Variants in MAN2A1 observed in about 807,000 individuals in gnomAD.
The protein encoded by MAN2A1 is mannosidase alpha class 2A member 1.
In MAN2A1, 76 loss-of-function variants were observed where a neutral mutation model predicts 142.6. That is an observed-to-expected ratio of 0.53 (90% CI 0.44 to 0.65). The LOEUF (loss-of-function observed/expected upper bound fraction) is 0.65, where lower values mean the gene tolerates loss of function less well. MAN2A1 is among the 30% of genes least tolerant of loss of function. MAN2A1 has a pLI of 0.00. For missense variants in MAN2A1, 1,311 were observed against 1,365.1 expected, an observed-to-expected ratio of 0.96 and a Z score of 0.62; for synonymous variants, 559 against 473.2, an observed-to-expected ratio of 1.18 and a Z score of -2.35.
chr5:109,788,292 G>C (rs1447104484), intron 10 of MAN2A1, among the ~76,000 whole-genome samples: 1 of 150,874 alleles, frequency 6.6e-6, no homozygotes, highest in Admixed American at 6.6e-5. Flanking sequence ...ATGTATTTCA[G>C]AATTGGTCTG....
intron 16 of MAN2A1, among the ~76,000 whole-genome samples, chr5:109,824,929 T>C (rs930923435): frequency 6.6e-6 from 1 of 152,202 alleles, no homozygotes; most frequent in African/African-American, 2.4e-5. Flanking sequence ...CTTCTTTAGG[T>C]AATAATATGA....
At chr5:109,857,021 A>G (rs1443334446) in intron 20 of MAN2A1, among the ~76,000 whole-genome samples, 1 of 152,198 alleles carries the variant, frequency 6.6e-6, no homozygotes, top group Non-Finnish European at 1.5e-5. Flanking sequence ...AGGTAACACA[A>G]TTTTGATTAA....
intron 4 of MAN2A1, among the ~76,000 whole-genome samples, chr5:109,753,673 C>T (rs1276442206): frequency 6.6e-6 from 1 of 152,116 alleles, no homozygotes; most frequent in African/African-American, 2.4e-5. Context: ...AATGTTGTGG[C>T]TTCTATCATA....
chr5:109,727,600 A>G (rs549831619), intron 3 of MAN2A1, among the ~76,000 whole-genome samples: 5 of 152,232 alleles, frequency 3.3e-5, no homozygotes, highest in African/African-American at 4.8e-5. Context: ...AGCAGTTTAT[A>G]TAAGTGTTTT....
intron 12 of MAN2A1, among the ~76,000 whole-genome samples, chr5:109,812,674 T>G (rs538764111): frequency 6.6e-6 from 1 of 152,328 alleles, no homozygotes; most frequent in Non-Finnish European, 1.5e-5. Context: ...ACTTTCTTTG[T>G]AATATTGAAT....
chr5:109,804,558 C>T (rs976287311), intron 12 of MAN2A1, among the ~76,000 whole-genome samples: 2 of 151,982 alleles, frequency 1.3e-5, no homozygotes, highest in African/African-American at 2.4e-5. Context: ...GATGTTTTCT[C>T]TAGTGTTTTG....
intron 12 of MAN2A1, among the ~76,000 whole-genome samples, chr5:109,790,199 T>C (rs1753700803): frequency 1.3e-5 from 2 of 151,926 alleles, no homozygotes; most frequent in Admixed American, 1.3e-4. Context: ...TTTTTTGTAA[T>C]ATAACCTTTA....
intron 15 of MAN2A1, among the ~76,000 whole-genome samples, chr5:109,822,143 G>GTT (rs930264225): frequency 3.7e-5 from 5 of 135,294 alleles, no homozygotes; most frequent in African/African-American, 1.3e-4. Context: ...TTTGTTTTTG[G>GTT]TTTTTTTTTT....
At chr5:109,712,972 A>G (rs1751344952) in intron 1 of MAN2A1, among the ~76,000 whole-genome samples, 1 of 152,236 alleles carries the variant, frequency 6.6e-6, no homozygotes, top group Admixed American at 6.5e-5. Context: ...AGCAGACTGA[A>G]TGACTTCGGG....
At chr5:109,827,782 G>C (rs541479517) in intron 16 of MAN2A1, among the ~76,000 whole-genome samples, 51 of 152,282 alleles carry the variant, frequency 3.3e-4, no homozygotes, top group Admixed American at 9.2e-4. Context: ...AGCCTTAAAA[G>C]CTCTACAAGA....
chr5:109,838,632 AAAT>A (rs756038859), intron 16 of MAN2A1, among the ~76,000 whole-genome samples: 2 of 152,218 alleles, frequency 1.3e-5, no homozygotes, highest in Non-Finnish European at 2.9e-5. Flanking sequence ...ATCTTTAAAA[AAAT>A]AATAAATTAT....
intron 5 of MAN2A1, among the ~76,000 whole-genome samples, chr5:109,766,808 A>G (rs778460566): frequency 6.6e-6 from 1 of 152,180 alleles, no homozygotes; most frequent in Non-Finnish European, 1.5e-5. Flanking sequence ...TAGATGAACA[A>G]TCTTATTCTA....
intron 20 of MAN2A1, among the ~76,000 whole-genome samples, chr5:109,857,731 CT>C (rs1389624789): frequency 2.0e-5 from 3 of 152,164 alleles, no homozygotes; most frequent in African/African-American, 7.2e-5. Flanking sequence ...AATCTAATCA[CT>C]TCTCAGATGA....
intron 4 of MAN2A1, among the ~76,000 whole-genome samples, chr5:109,741,334 C>T (rs1341715397): frequency 6.6e-6 from 1 of 152,108 alleles, no homozygotes; most frequent in Non-Finnish European, 1.5e-5. Context: ...ATAGCATTCC[C>T]CCCCACTTAC....
chr5:109,713,927 A>G (rs933708942), intron 2 of MAN2A1, among the ~76,000 whole-genome samples, 153 bp downstream of exon 2: 1 of 152,052 alleles, frequency 6.6e-6, no homozygotes, highest in African/African-American at 2.4e-5. Flanking sequence ...TCACATGAAC[A>G]TTAATGTTCT....
At chr5:109,748,801 T>C (rs559539743) in intron 4 of MAN2A1, among the ~76,000 whole-genome samples, 1 of 152,068 alleles carries the variant, frequency 6.6e-6, no homozygotes, top group East Asian at 1.9e-4. Context: ...TGATTTGCCC[T>C]CTGTTCCTCA....
intron 8 of MAN2A1, among the ~76,000 whole-genome samples, chr5:109,776,806 T>C (rs1455914204): frequency 6.6e-6 from 1 of 152,168 alleles, no homozygotes; most frequent in Non-Finnish European, 1.5e-5. Flanking sequence ...CCATGATTAC[T>C]GTTGCCTGTT....
chr5:109,837,881 T>C (rs1755098214), intron 16 of MAN2A1, among the ~76,000 whole-genome samples: 1 of 152,196 alleles, frequency 6.6e-6, no homozygotes, highest in African/African-American at 2.4e-5. Flanking sequence ...CCAGTTTACT[T>C]TCCTCCCATG....
chr5:109,795,784 G>T (rs1753841825), intron 12 of MAN2A1, among the ~76,000 whole-genome samples: 1 of 152,116 alleles, frequency 6.6e-6, no homozygotes, highest in Admixed American at 6.6e-5. Context: ...TGCTACTTTT[G>T]AGGCTATTAG....
Sources: allele counts gnomAD v4.1 joint callset (sites outside exome capture counted in the v4.1 genomes callset), GRCh38; gene constraint gnomAD v4.1.1; transcripts MANE v1.5; gene names NCBI Gene and HGNC (gene_info 2026-07-23, HGNC 2026-07-21).